ARK2C: variants seen among roughly 807,000 people sequenced by gnomAD.
ARK2C encodes the protein arkadia (RNF111) C-terminal like ring finger ubiquitin ligase 2C, also known as E3 ubiquitin-protein ligase ARK2C.
At chr18:46,355,103 C>T in the ARK2C span, among the ~76,000 whole-genome samples, 1 of 152,074 alleles carries the variant, frequency 6.6e-6, no homozygotes, top group Non-Finnish European at 1.5e-5. Flanking sequence ...GAACATGCCA[C>T]CATGCCTGGC....
At chr18:46,375,470 C>T in the ARK2C span, among the ~76,000 whole-genome samples, 1 of 151,860 alleles carries the variant, frequency 6.6e-6, no homozygotes, top group African/African-American at 2.4e-5. Flanking sequence ...AAGAGAATTG[C>T]TTGAACTTGG....
chr18:46,378,024 G>T, the ARK2C span, among the ~76,000 whole-genome samples: 2 of 152,126 alleles, frequency 1.3e-5, no homozygotes, highest in Non-Finnish European at 2.9e-5. Flanking sequence ...TTGGGAAGAG[G>T]GTGAGGGGTC....
the ARK2C span, among the ~76,000 whole-genome samples, chr18:46,357,348 G>C: frequency 6.6e-6 from 1 of 152,174 alleles, no homozygotes; most frequent in Non-Finnish European, 1.5e-5. Flanking sequence ...CCCTGCCTTT[G>C]TGGAGCTTAG....
At chr18:46,369,750 C>G in the ARK2C span, among the ~76,000 whole-genome samples, 4 of 152,170 alleles carry the variant, frequency 2.6e-5, no homozygotes, top group Non-Finnish European at 5.9e-5. Context: ...CCTCTCATCA[C>G]GCACACCCTT....
chr18:46,443,478 T>C, the ARK2C span, among the ~76,000 whole-genome samples: 1 of 152,192 alleles, frequency 6.6e-6, no homozygotes, highest in Non-Finnish European at 1.5e-5. Flanking sequence ...CTTTTGTAGG[T>C]TTTATCTCTA....
At chr18:46,358,397 G>A in the ARK2C span, among the ~76,000 whole-genome samples, 7 of 152,214 alleles carry the variant, frequency 4.6e-5, no homozygotes, top group African/African-American at 1.4e-4. Flanking sequence ...CCCAGCCATA[G>A]GACAGGATCT....
chr18:46,385,733 C>T, the ARK2C span: 1 of 152,310 alleles, frequency 6.6e-6, no homozygotes, highest in Non-Finnish European at 1.5e-5. Context: ...TTGCTCCAAG[C>T]CTGCACTTTT....
At chr18:46,354,757 G>T in the ARK2C span, among the ~76,000 whole-genome samples, 1 of 152,144 alleles carries the variant, frequency 6.6e-6, no homozygotes, top group Non-Finnish European at 1.5e-5. Flanking sequence ...TAAAGCGATG[G>T]TCCACTGTGC....
chr18:46,352,721 A>G, the ARK2C span, among the ~76,000 whole-genome samples: 1 of 152,034 alleles, frequency 6.6e-6, no homozygotes. Flanking sequence ...CCCCACTCAC[A>G]CCCCATTGGC....
At chr18:46,452,798 C>T in the ARK2C span, among the ~76,000 whole-genome samples, 17 of 152,066 alleles carry the variant, frequency 1.1e-4, no homozygotes, top group Non-Finnish European at 2.4e-4. Context: ...GTGCATTGGT[C>T]GAGAGCACTC....
the ARK2C span, chr18:46,433,578 G>C: frequency 4.5e-6 from 6 of 1,330,478 alleles, no homozygotes; most frequent in Non-Finnish European, 6.1e-6. Flanking sequence ...GGCGTGGGCA[G>C]GGCCAGGACG....
the ARK2C span, among the ~76,000 whole-genome samples, chr18:46,446,973 A>G: frequency 6.6e-6 from 1 of 151,998 alleles, no homozygotes; most frequent in Non-Finnish European, 1.5e-5. Context: ...TATCTTGCTC[A>G]TTTTCTCTCC....
chr18:46,389,903 A>G, the ARK2C span, among the ~76,000 whole-genome samples: 3 of 151,948 alleles, frequency 2.0e-5, no homozygotes, highest in African/African-American at 7.3e-5. Flanking sequence ...TAAGTTTTGT[A>G]TTTTTTGTAG....
At chr18:46,436,018 A>G in the ARK2C span, among the ~76,000 whole-genome samples, 2 of 152,234 alleles carry the variant, frequency 1.3e-5, no homozygotes. Context: ...TCCCTCACTC[A>G]GCACAGATAT....
chr18:46,380,846 C>G, the ARK2C span, among the ~76,000 whole-genome samples: 1 of 152,240 alleles, frequency 6.6e-6, no homozygotes, highest in Non-Finnish European at 1.5e-5. Context: ...GTCCCCATCA[C>G]ACTCGCCCCA....
At chr18:46,388,874 G>C in the ARK2C span, among the ~76,000 whole-genome samples, 1 of 151,988 alleles carries the variant, frequency 6.6e-6, no homozygotes. Context: ...GTTAAAAACA[G>C]ACCTAAGAAC....
At chr18:46,410,224 T>C in the ARK2C span, among the ~76,000 whole-genome samples, 29 of 152,372 alleles carry the variant, frequency 1.9e-4, no homozygotes, top group Admixed American at 4.6e-4. Flanking sequence ...GCTTGGCTTC[T>C]TGCACCTCAG....
the ARK2C span, among the ~76,000 whole-genome samples, chr18:46,448,217 T>A: frequency 6.7e-6 from 1 of 149,960 alleles, no homozygotes; most frequent in Admixed American, 6.6e-5. Context: ...GGCTTCCACA[T>A]GACCCAGCTC....
At chr18:46,404,682 G>A in the ARK2C span, among the ~76,000 whole-genome samples, 1 of 152,064 alleles carries the variant, frequency 6.6e-6, no homozygotes, top group South Asian at 2.1e-4. Context: ...GAACCTGGGA[G>A]GTTGAGGTTG....
Sources: allele counts gnomAD v4.1 joint callset (sites outside exome capture counted in the v4.1 genomes callset), GRCh38; gene constraint gnomAD v4.1.1; transcripts MANE v1.5; gene names NCBI Gene and HGNC (gene_info 2026-07-23, HGNC 2026-07-21).